CDK13: variants seen among roughly 807,000 people sequenced by gnomAD.
The protein encoded by CDK13 is cyclin dependent kinase 13, also known as cyclin-dependent kinase 13.
Under a neutral mutation model 137.6 loss-of-function variants are expected in CDK13, and 40 were observed. That is an observed-to-expected ratio of 0.29 (90% CI 0.23 to 0.38). CDK13 has a LOEUF of 0.38. Ranked by LOEUF, CDK13 falls within the 10% of genes least tolerant of loss-of-function variation. The pLI is 1.00. For missense variants in CDK13, 1,704 were observed against 1,951.8 expected (o/e 0.87, Z 2.39); for synonymous variants, 869 against 760.1 (o/e 1.14, Z -2.36).
rs1281030407 is a variant in CDK13 at position 40,094,179 on chromosome 7, G to T, written c.3738G>T (p.Thr1246=). ...AAGATATGAGGATCTTGGAGCTAAC[G>T]CCAGAACCAGACCGGCCTCGAATTC... ...QHQDMRILEL[T]PEPDRPRILP... The change falls in exon 14 of 14, where the codon ACG becomes ACT. Residue 1246 remains threonine (T), a synonymous_variant. Coordinates refer to ENST00000181839, the MANE Select transcript of CDK13 (RefSeq NM_003718.5). The T allele has an allele frequency of 6.2e-7, 1 of 1,613,896 alleles. No individual in the cohort carries two copies. Among genetic ancestry groups the T allele is most frequent in the South Asian group, 1.1e-5 (1 of 91,070 alleles).
chr7:39,988,155 A>G lies in CDK13; in HGVS notation c.1768A>G (p.Ser590Gly), dbSNP rs1784380923. ...AGAGAAAACCAAACCACTTACACCAAGCATAGGAGCCAAGGAGAAGGAGCA... is the reference window on the plus strand; with the variant it reads ...AGAGAAAACCAAACCACTTACACCAGGCATAGGAGCCAAGGAGAAGGAGCA... ...LKEKTKPLTPSIGAKEKEQHV... is the reference protein window; with the variant it reads ...LKEKTKPLTPGIGAKEKEQHV... The change falls in exon 2 of 14, where the codon AGC becomes GGC. Residue 590 changes from serine to glycine, a missense_variant. By Grantham distance (56) the Ser-to-Gly change is moderately conservative. Transcript: ENST00000181839. 20 of 1,614,146 alleles carry G rather than the reference A, an allele frequency of 1.2e-5. No homozygotes were observed. The highest frequency in any genetic ancestry group is 1.6e-5 in the Non-Finnish European group (19 of 1,180,018).
chr7:40,017,779 A>G (rs1785032464), intron 5 of CDK13, among the ~76,000 whole-genome samples: 1 of 151,714 alleles, frequency 6.6e-6, no homozygotes, highest in African/African-American at 2.4e-5. Context: ...CATGCTTAGG[A>G]AGGCTGAATC....
intron 11 of CDK13, among the ~76,000 whole-genome samples, chr7:40,080,248 A>G (rs1337177274): frequency 6.6e-6 from 1 of 152,128 alleles, no homozygotes; most frequent in East Asian, 1.9e-4. Flanking sequence ...TTGGCCTCCT[A>G]AACTGCTAGG....
At position 39,987,699 on chromosome 7, in the gene CDK13, A is replaced by G. The variant is rs1337733134; in HGVS notation, c.1312A>G (p.Ile438Val). The change falls in exon 2 of 14, where the codon ATT becomes GTT. Residue 438 changes from isoleucine (I) to valine (V), a missense_variant. Ile to Val is a conservative substitution (Grantham distance 29). Coordinates refer to ENST00000181839, the MANE Select transcript of CDK13 (RefSeq NM_003718.5). ...LSRSRSRHSSISPSTLTLKSS... is the reference protein window; with the variant it reads ...LSRSRSRHSSVSPSTLTLKSS... The stretch of plus-strand genomic sequence containing the variant: ...TAGATCCAGAAGTCGTCATTCTAGT[A>G]TTTCTCCTAGCACACTAACTCTGAA... The G allele has an allele frequency of 6.2e-7, 1 of 1,614,112 alleles. No individual in the cohort carries two copies. Among genetic ancestry groups the G allele is most frequent in the South Asian group, 1.1e-5 (1 of 91,080 alleles).
In CDK13 at chr7:39,982,918, C is replaced by G. The variant is rs535114820; in HGVS notation, c.1212-4681C>G. 3.9e-5 allele frequency among the ~76,000 whole-genome samples: 6 copies of G among 151,950 alleles called. No individual in the cohort carries two copies. The East Asian group carries it at 1.2e-3, about 29-fold the overall frequency. The stretch of plus-strand genomic sequence containing the variant: ...TTCATTGTAGATTCTGGGTATTAGC[C>G]CTTTGTCAGATGAGTAGGTTGTGAA... On this transcript the variant is annotated intron_variant, in intron 1 of 13. Coordinates refer to ENST00000181839, the MANE Select transcript of CDK13 (RefSeq NM_003718.5).
intron 7 of CDK13, among the ~76,000 whole-genome samples, chr7:40,049,682 A>T (rs1286492179): frequency 6.6e-6 from 1 of 152,050 alleles, no homozygotes; most frequent in Non-Finnish European, 1.5e-5. Flanking sequence ...AAATCTCTTG[A>T]ATTTACTTTT....
At chr7:40,054,492 G>A (rs986703729) in intron 7 of CDK13, among the ~76,000 whole-genome samples, 2 of 151,754 alleles carry the variant, frequency 1.3e-5, no homozygotes, top group Non-Finnish European at 2.9e-5. Context: ...GTGCAATGGC[G>A]CAGTCTCGGC....
In CDK13 at chr7:39,974,307, C is replaced by T. The variant is rs975968995; in HGVS notation, c.1212-13292C>T. ...TCTTGAACTCCTAGGCTCAAGCGCT[C>T]CTCCTGCCTTGGCCTCCCAAGGTGT... On this transcript the variant is annotated intron_variant, in intron 1 of 13. Coordinates refer to ENST00000181839, the MANE Select transcript of CDK13 (RefSeq NM_003718.5). 3.3e-5 allele frequency among the ~76,000 whole-genome samples: 5 copies of T among 152,158 alleles called. No individual in the cohort carries two copies. In the South Asian group the frequency reaches 8.3e-4, roughly 25 times the overall value.
At chr7:40,021,106 T>TACACACACAC (rs778814352) in intron 5 of CDK13, among the ~76,000 whole-genome samples, 3,386 of 65,088 alleles carry the variant, frequency 0.052, 112 homozygotes, top group Middle Eastern at 0.067. Context: ...AACAAACGTA[T>TACACACACAC]ATATATATAT....
At chr7:39,968,443 G>A (rs909731635) in intron 1 of CDK13, among the ~76,000 whole-genome samples, 2 of 152,078 alleles carry the variant, frequency 1.3e-5, no homozygotes, top group Non-Finnish European at 2.9e-5. Flanking sequence ...TTGCTGTGTT[G>A]CCAAGGCTGG....
chr7:40,063,110 T>A lies in CDK13; in HGVS notation c.2780+10T>A. On this transcript the variant is annotated intron_variant, in intron 9 of 13. Transcript: ENST00000181839. ...AACTAGAATTAATAAGGTAAGCTGCTGATTATAATATTGGTGGGAATTGGG... is the reference window on the plus strand; with the variant it reads ...AACTAGAATTAATAAGGTAAGCTGCAGATTATAATATTGGTGGGAATTGGG... 1 of 1,585,572 alleles carries A rather than the reference T, an allele frequency of 6.3e-7. No homozygotes were observed. The highest frequency in any genetic ancestry group is 8.7e-7 in the Non-Finnish European group (1 of 1,153,988).
intron 9 of CDK13, among the ~76,000 whole-genome samples, chr7:40,064,844 T>C (rs1043168825): frequency 2.7e-5 from 4 of 149,144 alleles, no homozygotes; most frequent in Middle Eastern, 3.5e-3. Flanking sequence ...TAGGCTGGAG[T>C]GCATTGGGGC....
intron 9 of CDK13, among the ~76,000 whole-genome samples, chr7:40,073,900 T>C (rs1046566792): frequency 2.0e-5 from 3 of 149,612 alleles, no homozygotes; most frequent in Non-Finnish European, 4.4e-5. Context: ...TTTCTTTTTT[T>C]CCTTTTTTTT....
chr7:40,065,468 TA>T (rs879789819), intron 9 of CDK13, among the ~76,000 whole-genome samples: 15 of 148,574 alleles, frequency 1.0e-4, no homozygotes, highest in East Asian at 3.9e-4. Context: ...ATTGATAGGC[TA>T]AAAAAAAAAT....
chr7:40,009,538 T>A (rs1296174494), intron 5 of CDK13, among the ~76,000 whole-genome samples: 1 of 152,204 alleles, frequency 6.6e-6, no homozygotes, highest in East Asian at 1.9e-4. Context: ...AGTCAGTGGG[T>A]CATAGATACT....
intron 10 of CDK13, chr7:40,078,511 A>G (rs1466374613): frequency 3.5e-6 from 1 of 282,638 alleles, no homozygotes; most frequent in East Asian, 6.5e-5. Context: ...GTGGTTACAA[A>G]AATTATGTAA....
intron 9 of CDK13, among the ~76,000 whole-genome samples, chr7:40,073,376 A>G (rs931187772): frequency 1.3e-5 from 2 of 152,106 alleles, no homozygotes; most frequent in African/African-American, 4.8e-5. Context: ...ATGATGACTG[A>G]CACCTGTAAT....
intron 5 of CDK13, among the ~76,000 whole-genome samples, chr7:40,021,082 T>G (rs1299501779): frequency 8.5e-6 from 1 of 117,716 alleles, no homozygotes; most frequent in Non-Finnish European, 1.9e-5. Flanking sequence ...AGAGCGAGAT[T>G]CCATCTCAGA....
At position 39,999,513 on chromosome 7, in the gene CDK13, A is replaced by G. The variant is rs749346799; in HGVS notation, c.2182+13A>G. 7 of 1,586,954 alleles carry G rather than the reference A, an allele frequency of 4.4e-6. No individual in the cohort carries two copies. In the Admixed American group the frequency reaches 7.1e-5, roughly 16 times the overall value. ...GATAAAGACACTGGTAAGAATGCCA[A>G]GTTCTGGGGATCTTTGGGCCTACGG... On this transcript the variant is annotated intron_variant, in intron 4 of 13. Coordinates refer to ENST00000181839, the MANE Select transcript of CDK13 (RefSeq NM_003718.5).
Sources: gnomAD v4.1 joint callset for allele counts (sites outside exome capture counted in the v4.1 genomes callset) on GRCh38, gnomAD v4.1.1 for gene constraint, MANE v1.5 for transcripts, NCBI Gene and HGNC (gene_info 2026-07-23, HGNC 2026-07-21) for gene names.